MAP3K4: variants seen among roughly 807,000 people sequenced by gnomAD.
MAP3K4 encodes MAP three kinase 1.
In MAP3K4, 67 loss-of-function variants were observed where a neutral mutation model predicts 185.6. The observed-to-expected ratio is 0.36, with a 90% CI of 0.30 to 0.44. The LOEUF (loss-of-function observed/expected upper bound fraction) is 0.44. Among genes scored for constraint, MAP3K4 ranks in the 20% least tolerant of loss-of-function variants. The probability of loss-of-function intolerance (pLI) is 1.00; values close to 1 mark genes in which losing one functional copy is unlikely to be tolerated. For synonymous variants in MAP3K4, 702 were observed against 710.4 expected, an observed-to-expected ratio of 0.99 and a Z score of 0.19; for missense variants, 1,551 against 1,995.1, an observed-to-expected ratio of 0.78 and a Z score of 4.24.
chr6:161,014,347 T>C (rs769382947), intron 1 of MAP3K4, among the ~76,000 whole-genome samples: 1 of 152,260 alleles, frequency 6.6e-6, no homozygotes, highest in African/African-American at 2.4e-5. Context: ...GAACCTGTCA[T>C]AAAATCCTTA....
intron 1 of MAP3K4, among the ~76,000 whole-genome samples, chr6:161,011,426 G>A (rs1342559797): frequency 6.6e-6 from 1 of 152,102 alleles, no homozygotes; most frequent in East Asian, 1.9e-4. Flanking sequence ...GTGAAATGGT[G>A]GCAGTCTCGT....
chr6:161,081,713 G>A (rs1052753301), intron 6 of MAP3K4, among the ~76,000 whole-genome samples: 3 of 152,200 alleles, frequency 2.0e-5, no homozygotes, highest in Admixed American at 1.3e-4. Flanking sequence ...CACAGGCCGC[G>A]TCTCCGTGGT....
chr6:161,021,891 A>C (rs1782414713), intron 1 of MAP3K4, among the ~76,000 whole-genome samples: 1 of 152,188 alleles, frequency 6.6e-6, no homozygotes, highest in Non-Finnish European at 1.5e-5. Flanking sequence ...TTTCACCTGT[A>C]AGTAAATCAA....
Position 161,054,808 on chromosome 6 carries a change from G to T in MAP3K4, c.1707+4829G>T, listed in dbSNP as rs138592235. On this transcript the variant is annotated intron_variant, in intron 3 of 26. Transcript: ENST00000392142. This position sits in a 1 kb window ranked among gnomAD's most constrained non-coding sequence, Gnocchi z 4.2. ...TCAAATGAAACTTATTTAAATCCAT[G>T]TAACTGAACTAATAATACCAGCTGC... 3.8e-3 allele frequency among the ~76,000 whole-genome samples: 581 copies of T among 152,300 alleles called. 6 individuals are homozygous for T. Among genetic ancestry groups the T allele is most frequent in the African/African-American group, 0.013 (543 of 41,564 alleles).
chr6:161,116,826 C>T lies in MAP3K4; in HGVS notation c.4807-24C>T. 1 of 1,613,510 alleles carries T rather than the reference C, an allele frequency of 6.2e-7. No homozygotes were observed. Among genetic ancestry groups the T allele is most frequent in the Non-Finnish European group, 8.5e-7 (1 of 1,179,506 alleles). On this transcript the variant is annotated intron_variant, in intron 26 of 26. Coordinates refer to ENST00000392142, the MANE Select transcript of MAP3K4 (RefSeq NM_005922.4). The surrounding 1 kb of genome is among the most constrained non-coding windows in gnomAD (Gnocchi z 6.2). ...GCACACACCTGGCTCTGCAAGAGCT[C>T]AGCTCTCTCCTGCTTCCTCACAGGT...
At position 161,110,177 on chromosome 6, in the gene MAP3K4, C is replaced by G. The variant is rs759083086; in HGVS notation, c.4396+263C>G. 6.6e-6 allele frequency among the ~76,000 whole-genome samples: 1 copy of G among 152,176 alleles called. No individual in the cohort carries two copies. The highest frequency in any genetic ancestry group is 6.5e-5 in the Admixed American group (1 of 15,280). ...AAATGAAGTTTGCTATTTTTATAAG[C>G]TGATTTGGCATAGCCCGTGTACTTA... On this transcript the variant is annotated intron_variant, in intron 23 of 26. Transcript: ENST00000392142. This position sits in a 1 kb window ranked among gnomAD's most constrained non-coding sequence, Gnocchi z 4.8.
At chr6:161,092,258 C>G in intron 13 of MAP3K4, 115 bp downstream of exon 13, 10 of 1,120,722 alleles carry the variant, frequency 8.9e-6, no homozygotes, top group Non-Finnish European at 1.2e-5. Context: ...ACACTCTAAA[C>G]TCTTCGGTGA....
intron 11 of MAP3K4, among the ~76,000 whole-genome samples, chr6:161,089,727 G>T (rs1785932116): frequency 6.6e-6 from 1 of 152,204 alleles, no homozygotes; most frequent in African/African-American, 2.4e-5. Context: ...CTACATGACT[G>T]GTTAGTGGCA....
intron 3 of MAP3K4, among the ~76,000 whole-genome samples, chr6:161,069,711 G>A (rs1198865713): frequency 6.6e-6 from 1 of 152,166 alleles, no homozygotes; most frequent in African/African-American, 2.4e-5. Flanking sequence ...GAAAGTCCTT[G>A]CCCTCAGGAA....
rs1441612491 is a variant in MAP3K4, at chr6:161,080,095, G to A, written c.2098-786G>A. On this transcript the variant is annotated intron_variant, in intron 5 of 26. Coordinates refer to ENST00000392142, the MANE Select transcript of MAP3K4 (RefSeq NM_005922.4). The surrounding 1 kb of genome is among the most constrained non-coding windows in gnomAD (Gnocchi z 4.8). ...GACTGCTTCACGCTGAGTCACACTCGGGGTTGGAAGGGAGTGGAGTGATGT... is the reference window on the plus strand; with the variant it reads ...GACTGCTTCACGCTGAGTCACACTCAGGGTTGGAAGGGAGTGGAGTGATGT... Among the ~76,000 whole-genome samples, 5 of 152,102 alleles carry A rather than the reference G, an allele frequency of 3.3e-5. No homozygotes were observed. The highest frequency in any genetic ancestry group is 2.1e-4 in the South Asian group (1 of 4,826).
Position 161,097,057 on chromosome 6 carries a change from T to G in MAP3K4, c.3428-23T>G. On this transcript the variant is annotated intron_variant, in intron 15 of 26. Coordinates refer to ENST00000392142, the MANE Select transcript of MAP3K4 (RefSeq NM_005922.4). This position sits in a 1 kb window ranked among gnomAD's most constrained non-coding sequence, Gnocchi z 4.9. ...CTGTGGACCATATTAACAAGTTGCA[T>G]TTGTTGCCATTTTTGCTGGCAGCCA... 1 of 1,601,496 alleles carries G rather than the reference T, an allele frequency of 6.2e-7. No individual in the cohort carries two copies. The highest frequency in any genetic ancestry group is 8.6e-7 in the Non-Finnish European group (1 of 1,168,606).
In MAP3K4 at chr6:161,077,727, G is replaced by C. The variant is rs1785248547; in HGVS notation, c.2098-3154G>C. Among the ~76,000 whole-genome samples, 4 of 152,210 alleles carry C rather than the reference G, an allele frequency of 2.6e-5. No homozygotes were observed. Among genetic ancestry groups the C allele is most frequent in the Admixed American group, 2.0e-4 (3 of 15,286 alleles). On this transcript the variant is annotated intron_variant, in intron 5 of 26. Coordinates refer to ENST00000392142, the MANE Select transcript of MAP3K4 (RefSeq NM_005922.4). This position sits in a 1 kb window ranked among gnomAD's most constrained non-coding sequence, Gnocchi z 4.3. ...ACTCGGGTGGATCAAATGTGAACAA[G>C]GTGTTGGGAGTGACTGTGGGTGTCC...
rs1777956088 is a variant in MAP3K4 at position 161,104,321 on chromosome 6, G to A, written c.3856+1542G>A. 4.7e-5 allele frequency among the ~76,000 whole-genome samples: 7 copies of A among 150,348 alleles called. No homozygotes were observed. The Admixed American group carries it at 4.7e-4, about 10-fold the overall frequency. The stretch of plus-strand genomic sequence containing the variant: ...CCCGGCTACTCAGGAGGCTGAGGCA[G>A]AAGAATTGCTTGAACCCAGGAGGCA... On this transcript the variant is annotated intron_variant, in intron 19 of 26. Coordinates refer to ENST00000392142, the MANE Select transcript of MAP3K4 (RefSeq NM_005922.4).
chr6:161,092,604 A>T (rs543032063), intron 13 of MAP3K4, among the ~76,000 whole-genome samples: 1 of 149,478 alleles, frequency 6.7e-6, no homozygotes, highest in African/African-American at 2.6e-5. Flanking sequence ...GCACTTTCTT[A>T]AAGTCATTAA....
intron 19 of MAP3K4, 112 bp downstream of exon 19, chr6:161,102,891 C>T: frequency 3.1e-6 from 2 of 636,372 alleles, no homozygotes; most frequent in Non-Finnish European, 5.4e-6. Flanking sequence ...ATTAGGCCTC[C>T]TCCATTACTA....
Position 161,017,049 on chromosome 6 carries a change from G to A in MAP3K4, c.153-17210G>A, listed in dbSNP as rs1270054294. Among the ~76,000 whole-genome samples the A allele has an allele frequency of 6.6e-6, 1 of 152,014 alleles. No individual in the cohort carries two copies. The highest frequency in any genetic ancestry group is 1.5e-5 in the Non-Finnish European group (1 of 68,016). The stretch of plus-strand genomic sequence containing the variant: ...ACTAGTAATGATATATATCTCGGGA[G>A]TATAATGCTTTACTAAAGGTCTTGT... On this transcript the variant is annotated intron_variant, in intron 1 of 26. Coordinates refer to ENST00000392142, the MANE Select transcript of MAP3K4 (RefSeq NM_005922.4). This position sits in a 1 kb window ranked among gnomAD's most constrained non-coding sequence, Gnocchi z 5.1.
chr6:161,034,441 A>G lies in MAP3K4; in HGVS notation c.335A>G (p.Asn112Ser), dbSNP rs762851255. 6.2e-7 allele frequency: 1 copy of G among 1,613,752 alleles called. No homozygotes were observed. Among genetic ancestry groups the G allele is most frequent in the East Asian group, 2.2e-5 (1 of 44,864 alleles). The change falls in exon 2 of 27, where the codon AAT becomes AGT. Residue 112 changes from asparagine (N) to serine (S), a missense_variant. Around this residue, in one of 16 missense-constraint regions of MAP3K4, gnomAD observed 287 missense variants for 268.8 expected, o/e 1.07. Transcript: ENST00000392142. The surrounding 1 kb of genome is among the most constrained non-coding windows in gnomAD (Gnocchi z 4.4). The part of the protein sequence containing the change: ...NNVGRPASRS[N>S]LKEKMNAPNQ... ...GTGGGGAGGCCAGCCAGTCGGTCTA[A>G]TTTGAAAGGTGAGTCTTGTACTTGA...
chr6:161,082,842 A>G lies in MAP3K4; in HGVS notation c.2256-1659A>G, dbSNP rs1343249183. On this transcript the variant is annotated intron_variant, in intron 6 of 26. Coordinates refer to ENST00000392142, the MANE Select transcript of MAP3K4 (RefSeq NM_005922.4). The surrounding 1 kb of genome is among the most constrained non-coding windows in gnomAD (Gnocchi z 4.2). ...TCCCTACTTCTGCCTGAAGCCTCCTAGAGTTTATTCTCAACACCACAGCCT... is the reference window on the plus strand; with the variant it reads ...TCCCTACTTCTGCCTGAAGCCTCCTGGAGTTTATTCTCAACACCACAGCCT... Among the ~76,000 whole-genome samples, 1 of 152,126 alleles carries G rather than the reference A, an allele frequency of 6.6e-6. No individual in the cohort carries two copies. The highest frequency in any genetic ancestry group is 1.9e-4 in the East Asian group (1 of 5,188).
rs1019121554 is a variant in MAP3K4 at position 161,093,207 on chromosome 6, C to G, written c.3348+151C>G. 4.9e-5 allele frequency: 28 copies of G among 567,450 alleles called. No homozygotes were observed. The highest frequency in any genetic ancestry group is 8.5e-5 in the Non-Finnish European group (28 of 327,574). The allele number at this position is 567,450 out of a possible 1,614,324, so 35.2% of individuals were successfully genotyped here. ...ATGATAATGCTGAGAAATTAAAGTA[C>G]TCCTCATAGCAGAGTAAGATTTTTT... On this transcript the variant is annotated intron_variant, in intron 14 of 26. Transcript: ENST00000392142. This position sits in a 1 kb window ranked among gnomAD's most constrained non-coding sequence, Gnocchi z 5.2.
Sources: allele counts gnomAD v4.1 joint callset (sites outside exome capture counted in the v4.1 genomes callset), GRCh38; gene constraint gnomAD v4.1.1; regional missense constraint gnomAD v4.1.1; non-coding constraint Gnocchi (gnomAD v3.1); transcripts MANE v1.5; gene names NCBI Gene and HGNC (gene_info 2026-07-23, HGNC 2026-07-21).